The following SYT14 variants were observed in gnomAD, a reference collection of about 807,000 sequenced individuals.
SYT14 encodes the protein synaptotagmin 14, also known as synaptotagmin-14.
A neutral mutation model predicts 74.2 loss-of-function variants in SYT14; 32 were observed. The observed-to-expected ratio is 0.43, with a 90% CI of 0.33 to 0.58. SYT14 has a LOEUF of 0.58. SYT14 is among the 20% of genes least tolerant of loss of function. The pLI, the probability that SYT14 is intolerant of heterozygous loss-of-function variation, is 0.05. For missense variants in SYT14, 791 were observed against 981.8 expected (o/e 0.81, Z 2.60); for synonymous variants, 298 against 337.7 (o/e 0.88, Z 1.29).
At position 210,129,773 on chromosome 1, in the gene SYT14, A is replaced by G. The variant is rs143598781; in HGVS notation, c.2035-25948A>G. 5.0e-3 allele frequency among the ~76,000 whole-genome samples: 757 copies of G among 152,310 alleles called. 13 individuals are homozygous for G. Among genetic ancestry groups the G allele is most frequent in the African/African-American group, 0.017 (710 of 41,568 alleles). The stretch of plus-strand genomic sequence containing the variant: ...GTCTTTCTAATATGCTTAATTGGCT[A>G]TGAGCTAAGTAAGCCCTGAAAACGG... On this transcript the variant is annotated intron_variant, in intron 7 of 9. Coordinates refer to ENST00000637265, the Ensembl canonical transcript of SYT14.
exon 10 of SYT14, chr1:210,167,908 A>G (rs1231499422): frequency 2.0e-5 from 3 of 152,164 alleles, no homozygotes; most frequent in Non-Finnish European, 2.9e-5. Context: ...TTAGTTCATC[A>G]AAGCTGAATA....
intron 5 of SYT14, among the ~76,000 whole-genome samples, chr1:210,024,768 T>C (rs1250811721): frequency 1.3e-5 from 2 of 152,034 alleles, no homozygotes; most frequent in African/African-American, 4.8e-5. Flanking sequence ...ACAGGAGAAT[T>C]AAGGGCATCA....
intron 2 of SYT14, among the ~76,000 whole-genome samples, chr1:210,010,977 T>TAACAGAA (rs2080076287): frequency 6.6e-6 from 1 of 152,174 alleles, no homozygotes; most frequent in South Asian, 2.1e-4. Flanking sequence ...GCTGTATGGT[T>TAACAGAA]TTGTGCTATT....
intron 5 of SYT14, among the ~76,000 whole-genome samples, chr1:210,070,048 T>C (rs2081364597): frequency 6.6e-6 from 1 of 152,098 alleles, no homozygotes; most frequent in Non-Finnish European, 1.5e-5. Context: ...GTCTGCAAAA[T>C]ATAGTGGTCA....
intron 2 of SYT14, among the ~76,000 whole-genome samples, chr1:209,954,277 T>C (rs1052923267): frequency 6.6e-6 from 1 of 152,166 alleles, no homozygotes; most frequent in Non-Finnish European, 1.5e-5. Context: ...GGATAGAGGA[T>C]GGTGTGAATA....
intron 5 of SYT14, among the ~76,000 whole-genome samples, chr1:210,080,075 G>A (rs922024038): frequency 1.3e-5 from 2 of 152,100 alleles, no homozygotes; most frequent in African/African-American, 2.4e-5. Flanking sequence ...GTTTTGTGAA[G>A]TTTTCTGAGG....
chr1:210,056,332 T>A (rs1279736465), intron 5 of SYT14, among the ~76,000 whole-genome samples: 2 of 151,892 alleles, frequency 1.3e-5, no homozygotes, highest in African/African-American at 4.8e-5. Flanking sequence ...ACCAAAAAAA[T>A]ATTCCACAAG....
chr1:210,160,845 GTGGCCC>G, exon 10 of SYT14: 1 of 1,613,996 alleles, frequency 6.2e-7, no homozygotes, highest in Non-Finnish European at 8.5e-7. Context: ...TGTCTTTCAA[GTGGCCC>G]TATTTCAGCT....
At chr1:210,088,148 C>G in intron 5 of SYT14, among the ~76,000 whole-genome samples, 1 of 147,712 alleles carries the variant, frequency 6.8e-6, no homozygotes, top group East Asian at 2.0e-4. Flanking sequence ...CATCCCTCTA[C>G]TTTCTTTGGA....
rs184791357 is a variant in SYT14 at position 209,979,564 on chromosome 1, A to G, written c.-486+26808A>G. Among the ~76,000 whole-genome samples the G allele has an allele frequency of 9.2e-5, 14 of 152,176 alleles. No homozygotes were observed. The East Asian group carries it at 2.3e-3, about 25-fold the overall frequency. On this transcript the variant is annotated intron_variant, in intron 2 of 9. Coordinates refer to ENST00000637265, the Ensembl canonical transcript of SYT14. ...ATCCCATCAACTAGGTATTAAGCCCAGCATCCATTAGCTATTCGTCTTGGT... is the reference window on the plus strand; with the variant it reads ...ATCCCATCAACTAGGTATTAAGCCCGGCATCCATTAGCTATTCGTCTTGGT...
intron 2 of SYT14, among the ~76,000 whole-genome samples, chr1:209,962,590 C>G (rs950112730): frequency 6.6e-6 from 1 of 151,864 alleles, no homozygotes; most frequent in African/African-American, 2.4e-5. Context: ...TTATGTGCAC[C>G]CAGAGGGAGG....
At chr1:210,160,982 T>C (rs1232899111) in exon 10 of SYT14, 3 of 1,613,856 alleles carry the variant, frequency 1.9e-6, no homozygotes, top group Admixed American at 3.3e-5. Context: ...ATCACTGGAC[T>C]GAAATGAAAG....
intron 7 of SYT14, among the ~76,000 whole-genome samples, chr1:210,137,175 G>C (rs534776546): frequency 1.3e-5 from 2 of 152,248 alleles, no homozygotes; most frequent in African/African-American, 4.8e-5. Flanking sequence ...CCCTCTGAAG[G>C]CCCAAACAAT....
At chr1:210,165,305 A>G (rs2083444258) in exon 10 of SYT14, 1 of 152,208 alleles carries the variant, frequency 6.6e-6, no homozygotes, top group Admixed American at 6.5e-5. Flanking sequence ...TAAGGGGGAA[A>G]AAACAGCTGG....
intron 7 of SYT14, among the ~76,000 whole-genome samples, chr1:210,109,772 A>T (rs1029334186): frequency 3.3e-5 from 5 of 152,188 alleles, no homozygotes; most frequent in African/African-American, 7.2e-5. Context: ...TGCTGAGTAT[A>T]TACCCAAAGG....
intron 7 of SYT14, among the ~76,000 whole-genome samples, chr1:210,146,853 T>C (rs546378828): frequency 2.6e-5 from 4 of 151,626 alleles, no homozygotes; most frequent in Non-Finnish European, 4.4e-5. Context: ...ATGTACTACA[T>C]ATATACTATA....
intron 7 of SYT14, among the ~76,000 whole-genome samples, chr1:210,133,856 T>C (rs61827909): frequency 1.6e-3 from 207 of 131,306 alleles, no homozygotes; most frequent in Middle Eastern, 4.4e-3. Flanking sequence ...TTTTTTTTTT[T>C]GGAGAGCTTA....
chr1:210,121,732 T>C (rs561373898), intron 7 of SYT14, among the ~76,000 whole-genome samples: 66 of 150,592 alleles, frequency 4.4e-4, no homozygotes, highest in Admixed American at 2.0e-3. Flanking sequence ...AGGCAGAGCT[T>C]GCAGTGAGCC....
At chr1:210,149,122 G>A (rs558131541) in intron 7 of SYT14, among the ~76,000 whole-genome samples, 12 of 149,060 alleles carry the variant, frequency 8.1e-5, no homozygotes, top group Non-Finnish European at 1.6e-4. Context: ...ATCGAATACA[G>A]CAAAAAAGTG....
Sources: gnomAD v4.1 joint callset for allele counts (sites outside exome capture counted in the v4.1 genomes callset) on GRCh38, gnomAD v4.1.1 for gene constraint, MANE v1.5 for transcripts, NCBI Gene and HGNC (gene_info 2026-07-23, HGNC 2026-07-21) for gene names.